The following CNTNAP2 variants were observed in gnomAD, a reference collection of about 807,000 sequenced individuals.
CNTNAP2 encodes the protein contactin associated protein 2, also known as contactin-associated protein-like 2.
In CNTNAP2, 98 loss-of-function variants were observed where a neutral mutation model predicts 155.2. That is an observed-to-expected ratio of 0.63 (90% CI 0.54 to 0.75). CNTNAP2 has a LOEUF of 0.75. Ranked by LOEUF, CNTNAP2 falls within the 30% of genes least tolerant of loss-of-function variation. The pLI, the probability that CNTNAP2 is intolerant of heterozygous loss-of-function variation, is 0.00. For missense variants in CNTNAP2, 1,727 were observed against 1,688.1 expected, an observed-to-expected ratio of 1.02 and a Z score of -0.40; for synonymous variants, 651 against 631.2, an observed-to-expected ratio of 1.03 and a Z score of -0.47.
At chr7:146,876,294 C>T (rs1795426676) in intron 3 of CNTNAP2, among the ~76,000 whole-genome samples, 1 of 152,040 alleles carries the variant, frequency 6.6e-6, no homozygotes, top group Non-Finnish European at 1.5e-5. Flanking sequence ...GTATTTGCTG[C>T]CAAGTCCCCC....
intron 1 of CNTNAP2, among the ~76,000 whole-genome samples, chr7:146,380,903 A>C (rs375897295): frequency 7.3e-6 from 1 of 137,188 alleles, no homozygotes; most frequent in South Asian, 2.3e-4. Context: ...GGTTCACGCC[A>C]TTCTCCTGCC....
intron 1 of CNTNAP2, among the ~76,000 whole-genome samples, chr7:146,176,341 A>C (rs1379462726): frequency 6.6e-6 from 1 of 152,180 alleles, no homozygotes; most frequent in African/African-American, 2.4e-5. Context: ...CTTTAGAAAA[A>C]TACAAGTTAA....
chr7:147,745,364 A>C (rs1195396269), intron 13 of CNTNAP2, among the ~76,000 whole-genome samples: 1 of 152,226 alleles, frequency 6.6e-6, no homozygotes, highest in East Asian at 1.9e-4. Flanking sequence ...ATGTAGCATA[A>C]TATCAAAGAA....
chr7:146,313,827 C>T (rs756414138), intron 1 of CNTNAP2, among the ~76,000 whole-genome samples: 6 of 152,008 alleles, frequency 3.9e-5, no homozygotes, highest in African/African-American at 1.2e-4. Flanking sequence ...GCTGAAACTC[C>T]GTCTCTACTA....
intron 15 of CNTNAP2, among the ~76,000 whole-genome samples, chr7:148,041,306 G>A (rs986041756): frequency 1.3e-5 from 2 of 152,230 alleles, no homozygotes; most frequent in Admixed American, 6.5e-5. Flanking sequence ...CAGTGTGACA[G>A]CAAGTCCCCA....
chr7:146,886,198 A>G (rs968322327), intron 3 of CNTNAP2, among the ~76,000 whole-genome samples: 1 of 151,012 alleles, frequency 6.6e-6, no homozygotes, highest in Admixed American at 6.6e-5. Flanking sequence ...TATTTTGGTA[A>G]TTACTTTCTT....
intron 1 of CNTNAP2, among the ~76,000 whole-genome samples, chr7:146,472,231 T>G (rs1417436417): frequency 6.6e-6 from 1 of 152,198 alleles, no homozygotes; most frequent in African/African-American, 2.4e-5. Context: ...TATGGAGGTC[T>G]GCGCTATATA....
At chr7:146,320,572 G>A (rs143266207) in intron 1 of CNTNAP2, among the ~76,000 whole-genome samples, 34 of 152,214 alleles carry the variant, frequency 2.2e-4, no homozygotes, top group African/African-American at 7.9e-4. Context: ...CTGACTCTAT[G>A]ATCAGAACTA....
At chr7:146,665,546 C>G (rs891324953) in intron 1 of CNTNAP2, among the ~76,000 whole-genome samples, 1 of 151,558 alleles carries the variant, frequency 6.6e-6, no homozygotes, top group Non-Finnish European at 1.5e-5. Flanking sequence ...CTTTGGGAGG[C>G]TGAGGCGGGT....
chr7:147,280,234 A>C (rs1400073625), intron 8 of CNTNAP2, among the ~76,000 whole-genome samples: 2 of 151,918 alleles, frequency 1.3e-5, no homozygotes, highest in Non-Finnish European at 2.9e-5. Flanking sequence ...GTTCCCTTTG[A>C]GAACGGGCTG....
chr7:146,658,018 A>C (rs1800023977), intron 1 of CNTNAP2, among the ~76,000 whole-genome samples: 1 of 152,160 alleles, frequency 6.6e-6, no homozygotes, highest in African/African-American at 2.4e-5. Context: ...AAATATATTT[A>C]AAATAATTTT....
chr7:147,943,004 A>T (rs970933948), intron 14 of CNTNAP2, among the ~76,000 whole-genome samples: 1 of 151,514 alleles, frequency 6.6e-6, no homozygotes, highest in African/African-American at 2.4e-5. Context: ...GCCACTGCAC[A>T]CCAGCCTGGG....
At chr7:146,611,615 C>A (rs1348710562) in intron 1 of CNTNAP2, among the ~76,000 whole-genome samples, 1 of 152,108 alleles carries the variant, frequency 6.6e-6, no homozygotes, top group African/African-American at 2.4e-5. Context: ...ACTGTATCTA[C>A]AAAGAACATT....
intron 11 of CNTNAP2, among the ~76,000 whole-genome samples, chr7:147,553,835 C>T (rs1325214253): frequency 2.6e-5 from 4 of 152,042 alleles, no homozygotes; most frequent in African/African-American, 9.7e-5. Context: ...GCCAGGCATG[C>T]TGGCGCGTGC....
chr7:148,213,556 C>T (rs903383184), intron 18 of CNTNAP2, among the ~76,000 whole-genome samples: 3 of 152,102 alleles, frequency 2.0e-5, no homozygotes, highest in African/African-American at 2.4e-5. Context: ...CATTTGAATG[C>T]CCCAGCCTCC....
At chr7:146,533,014 A>C (rs1797792386) in intron 1 of CNTNAP2, among the ~76,000 whole-genome samples, 1 of 147,842 alleles carries the variant, frequency 6.8e-6, no homozygotes, top group Non-Finnish European at 1.5e-5. Flanking sequence ...AGGGAGGAGA[A>C]TTGCTTGAAC....
intron 1 of CNTNAP2, among the ~76,000 whole-genome samples, chr7:146,470,290 T>C (rs1796778041): frequency 6.6e-6 from 1 of 152,116 alleles, no homozygotes; most frequent in Non-Finnish European, 1.5e-5. Context: ...TTTGTTTTCT[T>C]TACCAAGGCA....
intron 4 of CNTNAP2, among the ~76,000 whole-genome samples, chr7:147,066,767 A>T (rs1799786800): frequency 6.6e-6 from 1 of 152,214 alleles, no homozygotes; most frequent in African/African-American, 2.4e-5. Flanking sequence ...TTTGAAGACC[A>T]CATGTTAGAC....
chr7:146,684,316 G>A (rs922206917), intron 1 of CNTNAP2, among the ~76,000 whole-genome samples: 12 of 152,060 alleles, frequency 7.9e-5, no homozygotes, highest in African/African-American at 2.2e-4. Flanking sequence ...TGCTGTTTTC[G>A]ATGAGCTAAG....
Sources: allele counts gnomAD v4.1 joint callset (sites outside exome capture counted in the v4.1 genomes callset), GRCh38; gene constraint gnomAD v4.1.1; transcripts MANE v1.5; gene names NCBI Gene and HGNC (gene_info 2026-07-23, HGNC 2026-07-21).